The following OGDH variants were observed in gnomAD, a reference collection of about 807,000 sequenced individuals.
OGDH encodes the protein oxoglutarate dehydrogenase.
A neutral mutation model predicts 116.6 loss-of-function variants in OGDH; 38 were observed. That is an observed-to-expected ratio of 0.33 (90% confidence interval 0.25 to 0.43). The LOEUF is 0.43. Ranked by LOEUF, OGDH falls within the 20% of genes least tolerant of loss-of-function variation. The pLI is 1.00. For synonymous variants in OGDH, 488 were observed against 533.3 expected, an observed-to-expected ratio of 0.92 and a Z score of 1.17; for missense variants, 825 against 1,357.2, an observed-to-expected ratio of 0.61 and a Z score of 6.16.
intron 4 of OGDH, among the ~76,000 whole-genome samples, chr7:44,665,154 C>T (rs938668116): frequency 6.6e-6 from 1 of 152,070 alleles, no homozygotes; most frequent in South Asian, 2.1e-4. Context: ...AAAGCCAGGC[C>T]ATAAATGGCA....
intron 1 of OGDH, among the ~76,000 whole-genome samples, chr7:44,618,594 G>T (rs75052842): frequency 3.5e-4 from 54 of 152,184 alleles, no homozygotes; most frequent in African/African-American, 1.2e-3. Context: ...TTTCTCCTTG[G>T]TTCCTGAAGT....
intron 1 of OGDH, among the ~76,000 whole-genome samples, chr7:44,613,561 G>A (rs925392440): frequency 5.3e-5 from 8 of 150,518 alleles, no homozygotes; most frequent in East Asian, 2.0e-4. Flanking sequence ...GGGTTTCACC[G>A]TGTTAGCCAG....
In OGDH at chr7:44,689,362, C is replaced by T. The variant is rs567132997; in HGVS notation, c.1336-4463C>T. On this transcript the variant is annotated intron_variant, in intron 10 of 22. Transcript: ENST00000222673. Reference sequence around the variant, plus strand: ...TCCCAAGTAGCTGGGATTACAGGCACGCACCACCACTCCCAGCTAATTTTT... The same window carrying T: ...TCCCAAGTAGCTGGGATTACAGGCATGCACCACCACTCCCAGCTAATTTTT... 6.8e-5 allele frequency among the ~76,000 whole-genome samples: 10 copies of T among 147,026 alleles called. No homozygotes were observed. In the East Asian group the frequency reaches 1.0e-3, roughly 15 times the overall value.
Position 44,697,564 on chromosome 7 carries a change from T to C in OGDH, c.2180-40T>C, listed in dbSNP as rs753107387. The C allele has an allele frequency of 7.5e-6, 12 of 1,610,590 alleles. No individual in the cohort carries two copies. Among genetic ancestry groups the C allele is most frequent in the African/African-American group, 1.3e-5 (1 of 74,878 alleles). ...CACCCCCGCTGGGCCTACTGGCTGG[T>C]GTCCTGGACATGGTTTTCTCCTTCC... On this transcript the variant is annotated intron_variant, in intron 16 of 22. Coordinates refer to ENST00000222673, the MANE Select transcript of OGDH (RefSeq NM_002541.4). The surrounding 1 kb of genome is among the most constrained non-coding windows in gnomAD (Gnocchi z 6.0).
chr7:44,611,435 A>AT (rs1246267289), intron 1 of OGDH, among the ~76,000 whole-genome samples: 2,032 of 145,406 alleles, frequency 0.014, 30 homozygotes, highest in African/African-American at 0.039. Flanking sequence ...TGCCCGGCTA[A>AT]TTTTTTTTTT....
chr7:44,623,545 C>A (rs1008327030), intron 1 of OGDH, among the ~76,000 whole-genome samples: 1 of 152,142 alleles, frequency 6.6e-6, no homozygotes, highest in African/African-American at 2.4e-5. Context: ...ATTAATTAAT[C>A]CTTGTTGCCT....
chr7:44,608,313 C>T (rs1210301228), intron 1 of OGDH, among the ~76,000 whole-genome samples: 4 of 151,970 alleles, frequency 2.6e-5, no homozygotes, highest in Admixed American at 6.6e-5. Flanking sequence ...GAGGCTGAGG[C>T]GGGAGGATGG....
chr7:44,645,417 G>T lies in OGDH; in HGVS notation c.313G>T (p.Ala105Ser), dbSNP rs1786128746. Reference sequence around the variant, plus strand: ...CCTTCCCCTGAGCCGAGGCTCCCTGGCTGCTGTGGCCCATGCACAGTCCCT... The same window carrying T: ...CCTTCCCCTGAGCCGAGGCTCCCTGTCTGCTGTGGCCCATGCACAGTCCCT... The part of the protein sequence containing the change: ...SPLPLSRGSL[A>S]AVAHAQSLVE... Residue 105 changes from alanine to serine, a missense_variant, in exon 3 of 23, where the codon GCT becomes TCT. Ala to Ser is a moderately conservative substitution (Grantham distance 99). This residue lies in a region of OGDH where 126 missense variants were observed against 130.4 expected (regional missense o/e 0.97). Coordinates refer to ENST00000222673, the MANE Select transcript of OGDH (RefSeq NM_002541.4). The T allele has an allele frequency of 1.2e-6, 2 of 1,614,198 alleles. No homozygotes were observed. Among genetic ancestry groups the T allele is most frequent in the Non-Finnish European group, 1.7e-6 (2 of 1,180,028 alleles).
chr7:44,687,919 C>T (rs1313464103), intron 10 of OGDH, among the ~76,000 whole-genome samples: 1 of 152,160 alleles, frequency 6.6e-6, no homozygotes, highest in Non-Finnish European at 1.5e-5. Flanking sequence ...CTTACTCCTA[C>T]CCCTCCATCC....
At chr7:44,685,932 G>T (rs929622779) in intron 10 of OGDH, among the ~76,000 whole-genome samples, 5 of 151,996 alleles carry the variant, frequency 3.3e-5, no homozygotes, top group African/African-American at 9.7e-5. Flanking sequence ...CTGAAATCCT[G>T]CTTTCCGTTC....
intron 3 of OGDH, among the ~76,000 whole-genome samples, chr7:44,646,150 C>T (rs1585278536): frequency 6.6e-6 from 1 of 152,296 alleles, no homozygotes; most frequent in East Asian, 1.9e-4. Context: ...CCACCTGATA[C>T]ATGGGGAGAG....
chr7:44,659,713 A>G (rs116365040), intron 4 of OGDH, among the ~76,000 whole-genome samples: 1 of 152,116 alleles, frequency 6.6e-6, no homozygotes, highest in South Asian at 2.1e-4. Context: ...GTCATTTTTT[A>G]AATTTCTTTT....
At chr7:44,685,938 C>G (rs563950800) in intron 10 of OGDH, among the ~76,000 whole-genome samples, 2 of 152,084 alleles carry the variant, frequency 1.3e-5, no homozygotes, top group Admixed American at 6.6e-5. Flanking sequence ...TCCTGCTTTC[C>G]GTTCTTTGGA....
intron 10 of OGDH, among the ~76,000 whole-genome samples, chr7:44,684,189 G>C (rs1788039736): frequency 6.6e-6 from 1 of 152,190 alleles, no homozygotes; most frequent in South Asian, 2.1e-4. Context: ...TAGTGCAAGA[G>C]AGAACTGCCA....
rs754766402 is a variant in OGDH at position 44,707,723 on chromosome 7, G to A, written c.2938G>A (p.Ala980Thr). The A allele has an allele frequency of 9.9e-6, 16 of 1,614,108 alleles. No homozygotes were observed. In the Admixed American group the frequency reaches 1.2e-4, roughly 12 times the overall value. The change falls in exon 22 of 23, where the codon GCC becomes ACC. Residue 980 changes from alanine (A) to threonine (T), a missense_variant. Coordinates refer to ENST00000222673, the MANE Select transcript of OGDH (RefSeq NM_002541.4). The surrounding 1 kb of genome is among the most constrained non-coding windows in gnomAD (Gnocchi z 5.2). Reference protein sequence around the residue: ...KPRLRTTISRAKPVWYAGRDP... With the variant: ...KPRLRTTISRTKPVWYAGRDP... ...AAGACTTCGGACCACCATCAGCCGC[G>A]CCAAGCCCGTCTGGTAAGGCTTCAG...
At chr7:44,667,207 T>C (rs983152246) in intron 5 of OGDH, among the ~76,000 whole-genome samples, 2 of 152,148 alleles carry the variant, frequency 1.3e-5, no homozygotes, top group African/African-American at 4.8e-5. Flanking sequence ...TACCTCGGCC[T>C]CTCGAAGTGC....
intron 1 of OGDH, among the ~76,000 whole-genome samples, chr7:44,608,492 A>C (rs1784442225): frequency 6.6e-6 from 1 of 152,100 alleles, no homozygotes; most frequent in African/African-American, 2.4e-5. Flanking sequence ...TGAGGTTGGG[A>C]GTTTGAGACC....
rs375762169 is a variant in OGDH, at chr7:44,659,156, T to C, written c.518-7580T>C. Among the ~76,000 whole-genome samples the C allele has an allele frequency of 2.0e-3, 297 of 152,190 alleles. No individual in the cohort carries two copies. In the Middle Eastern group the frequency reaches 0.02, roughly 10 times the overall value. Reference sequence around the variant, plus strand: ...CCCGGCCGATTTTTATTCTTTAATGTAGATGATTTAATGCTAATGTCGTGG... The same window carrying C: ...CCCGGCCGATTTTTATTCTTTAATGCAGATGATTTAATGCTAATGTCGTGG... On this transcript the variant is annotated intron_variant, in intron 4 of 22. Transcript: ENST00000222673.
At chr7:44,696,242 A>G (rs2116355562) in intron 13 of OGDH, 115 bp downstream of exon 13, 2 of 1,017,192 alleles carry the variant, frequency 2.0e-6, no homozygotes, top group Middle Eastern at 2.1e-4. Context: ...GCACAGTTGT[A>G]TGCACCATTT....
Sources: gnomAD v4.1 joint callset for allele counts (sites outside exome capture counted in the v4.1 genomes callset) on GRCh38, gnomAD v4.1.1 for gene constraint, gnomAD v4.1.1 regional missense constraint, Gnocchi (gnomAD v3.1) non-coding constraint, MANE v1.5 for transcripts, NCBI Gene and HGNC (gene_info 2026-07-23, HGNC 2026-07-21) for gene names.